The following DEPTOR variants were observed in gnomAD, a reference collection of about 807,000 sequenced individuals.
The protein encoded by DEPTOR is DEP domain-containing mTOR-interacting protein.
In DEPTOR, 41 loss-of-function variants were observed where a neutral mutation model predicts 41.6. The ratio of observed to expected loss-of-function variants is 0.98; its 90% CI spans 0.77 to 1.28. The LOEUF (loss-of-function observed/expected upper bound fraction) is 1.28. DEPTOR is among the 50% of genes most tolerant of loss of function. The pLI is 0.00. For missense variants in DEPTOR, 514 were observed against 527.9 expected, an observed-to-expected ratio of 0.97 and a Z score of 0.26; for synonymous variants, 195 against 192.3, an observed-to-expected ratio of 1.01 and a Z score of -0.12.
At chr8:119,892,405 G>A (rs1827463260) in intron 1 of DEPTOR, among the ~76,000 whole-genome samples, 1 of 152,162 alleles carries the variant, frequency 6.6e-6, no homozygotes, top group South Asian at 2.1e-4. Context: ...AGTAACTTTG[G>A]CATTGATTTT....
Position 120,050,510 on chromosome 8 carries a change from C to A in DEPTOR, c.*806C>A, listed in dbSNP as rs1262873171. The A allele has an allele frequency of 2.6e-5, 4 of 152,084 alleles. No individual in the cohort carries two copies. The highest frequency in any genetic ancestry group is 6.6e-5 in the Admixed American group (1 of 15,256). 9.4% of individuals were successfully genotyped at this position (152,084 alleles called of 1,614,324 possible). A position where few individuals can be genotyped will look rare whatever the true frequency, so the allele number is the denominator to read the frequency against. ...ATATACACATAATTAAAAATCAACC[C>A]TTCTGGCAAGATTTCACTTTGAAGG... On this transcript the variant is annotated 3_prime_UTR_variant, in exon 9 of 9. Transcript: ENST00000286234.
intron 1 of DEPTOR, among the ~76,000 whole-genome samples, chr8:119,886,644 A>C (rs1827368790): frequency 4.6e-5 from 7 of 152,228 alleles, no homozygotes. Flanking sequence ...ATTTTGAGAA[A>C]GGGAAAAACC....
intron 8 of DEPTOR, among the ~76,000 whole-genome samples, chr8:120,030,497 G>GTTTGTTTTTTTTTTTT (rs1207108457): frequency 1.1e-4 from 5 of 46,216 alleles, no homozygotes; most frequent in East Asian, 1.3e-3. Flanking sequence ...AGGTTCATCA[G>GTTTGTTTTTTTTTTTT]TTTTTTTTTT....
Position 119,928,523 on chromosome 8 carries a change from A to C in DEPTOR, c.246A>C (p.Arg82Ser). ...WLIEHKEASD[R>S]ETAIKLMQKL... Reference sequence around the variant, plus strand: ...TTGAACACAAAGAGGCTTCTGACAGAGAGACGGCAATTAAACTCATGCAGA... The same window carrying C: ...TTGAACACAAAGAGGCTTCTGACAGCGAGACGGCAATTAAACTCATGCAGA... Residue 82 changes from arginine (R) to serine (S), a missense_variant, in exon 2 of 9, where the codon AGA (arginine) becomes AGC (serine). Physicochemically the swap from Arg to Ser is moderately radical, Grantham distance 110 (BLOSUM62 -1). Coordinates refer to ENST00000286234, the MANE Select transcript of DEPTOR (RefSeq NM_022783.4). 1 of 1,614,214 alleles carries C rather than the reference A, an allele frequency of 6.2e-7. No homozygotes were observed. The highest frequency in any genetic ancestry group is 8.5e-7 in the Non-Finnish European group (1 of 1,180,018).
chr8:119,992,144 T>C (rs4871821), intron 4 of DEPTOR, among the ~76,000 whole-genome samples: 55,624 of 152,102 alleles, frequency 0.37, 10,875 homozygotes, highest in East Asian at 0.57. Flanking sequence ...CAGAGATCAG[T>C]AGTAGCTAAG....
rs531317115 is a variant in DEPTOR at position 120,036,087 on chromosome 8, C to A, written c.1102-13489C>A. Among the ~76,000 whole-genome samples the A allele has an allele frequency of 4.6e-5, 7 of 152,268 alleles. No individual in the cohort carries two copies. In the East Asian group the frequency reaches 1.4e-3, roughly 30 times the overall value. On this transcript the variant is annotated intron_variant, in intron 8 of 8. Coordinates refer to ENST00000286234, the MANE Select transcript of DEPTOR (RefSeq NM_022783.4). ...ACTGAACCAGGGTTCCCCATAACTACCCCTCTTTTATGTACACCACAATCA... is the reference window on the plus strand; with the variant it reads ...ACTGAACCAGGGTTCCCCATAACTAACCCTCTTTTATGTACACCACAATCA...
intron 1 of DEPTOR, among the ~76,000 whole-genome samples, chr8:119,903,773 C>T (rs1827625189): frequency 6.6e-6 from 1 of 152,174 alleles, no homozygotes; most frequent in South Asian, 2.1e-4. Flanking sequence ...TCCTGGGCTC[C>T]TTTCTGCTCA....
chr8:120,002,232 C>T (rs372324417), intron 5 of DEPTOR, among the ~76,000 whole-genome samples: 106 of 152,142 alleles, frequency 7.0e-4, no homozygotes, highest in African/African-American at 2.4e-3. Context: ...TTCTGTCTCC[C>T]GGGTTCAAGA....
At chr8:119,935,849 CACT>C (rs1828104603) in intron 3 of DEPTOR, among the ~76,000 whole-genome samples, 1 of 152,082 alleles carries the variant, frequency 6.6e-6, no homozygotes, top group African/African-American at 2.4e-5. Flanking sequence ...GGTTTTTCCT[CACT>C]AAACCCAGTA....
chr8:120,021,174 G>T (rs894215540), intron 8 of DEPTOR, among the ~76,000 whole-genome samples: 1 of 151,394 alleles, frequency 6.6e-6, no homozygotes, highest in African/African-American at 2.4e-5. Context: ...AGGCCAAGGC[G>T]GGCAGATTAC....
At chr8:119,944,340 A>G (rs538194870) in intron 3 of DEPTOR, among the ~76,000 whole-genome samples, 6 of 152,296 alleles carry the variant, frequency 3.9e-5, no homozygotes, top group Admixed American at 3.3e-4. Context: ...TGTACTATGC[A>G]TGATGTGATG....
intron 1 of DEPTOR, among the ~76,000 whole-genome samples, chr8:119,889,859 T>G (rs1438386849): frequency 6.6e-6 from 1 of 151,830 alleles, no homozygotes; most frequent in East Asian, 1.9e-4. Context: ...CAGTACAGTA[T>G]GAAGTCTTCT....
chr8:120,019,965 T>C (rs762295702), intron 8 of DEPTOR, among the ~76,000 whole-genome samples: 35 of 152,194 alleles, frequency 2.3e-4, no homozygotes, highest in Admixed American at 4.6e-4. Context: ...ACTGATTTCA[T>C]TGGATTTCAC....
intron 4 of DEPTOR, among the ~76,000 whole-genome samples, chr8:119,988,958 C>CTTTTTTTTTTTT (rs71571643): frequency 1.2e-3 from 114 of 93,814 alleles, no homozygotes; most frequent in African/African-American, 1.8e-3. Context: ...TTTTTTTTTT[C>CTTTTTTTTTTTT]TTTTTTTTTT....
intron 8 of DEPTOR, among the ~76,000 whole-genome samples, chr8:120,024,130 G>A (rs1193887046): frequency 6.6e-6 from 1 of 152,140 alleles, no homozygotes; most frequent in Non-Finnish European, 1.5e-5. Context: ...CCAGCTACTT[G>A]GAAGACTGAG....
intron 1 of DEPTOR, among the ~76,000 whole-genome samples, chr8:119,888,508 C>T (rs556896377): frequency 6.6e-6 from 1 of 152,204 alleles, no homozygotes; most frequent in South Asian, 2.1e-4. Context: ...CTCAGTGCCT[C>T]ATCACTAGTT....
intron 3 of DEPTOR, among the ~76,000 whole-genome samples, chr8:119,934,941 G>A (rs556006583): frequency 6.6e-5 from 10 of 152,248 alleles, no homozygotes; most frequent in Middle Eastern, 3.4e-3. Flanking sequence ...GACAGGGCCC[G>A]CATCAGATAT....
In DEPTOR at chr8:119,939,271, C is replaced by A. The variant is rs532235878; in HGVS notation, c.425+9333C>A. 3.9e-5 allele frequency among the ~76,000 whole-genome samples: 6 copies of A among 152,288 alleles called. No individual in the cohort carries two copies. The South Asian group carries it at 1.0e-3, about 26-fold the overall frequency. On this transcript the variant is annotated intron_variant, in intron 3 of 8. Transcript: ENST00000286234. ...TTGTTGGCTCGCTCATCTTCTGTAG[C>A]GGCAAGCTTGGTCTGCCGGGGAAGG...
At chr8:119,987,403 G>A (rs1487254280) in intron 4 of DEPTOR, among the ~76,000 whole-genome samples, 1 of 152,168 alleles carries the variant, frequency 6.6e-6, no homozygotes, top group Non-Finnish European at 1.5e-5. Flanking sequence ...TCCGCTAGAA[G>A]CTTTGTCCCA....
Sources: allele counts gnomAD v4.1 joint callset (sites outside exome capture counted in the v4.1 genomes callset), GRCh38; gene constraint gnomAD v4.1.1; transcripts MANE v1.5; gene names NCBI Gene and HGNC (gene_info 2026-07-23, HGNC 2026-07-21).